Variants in NUP210 observed in about 807,000 individuals in gnomAD.
NUP210 encodes the protein nucleoporin 210.
Under a neutral mutation model 196.0 loss-of-function variants are expected in NUP210, and 151 were observed. The ratio of observed to expected loss-of-function variants is 0.77; its 90% CI spans 0.67 to 0.88. The LOEUF (loss-of-function observed/expected upper bound fraction) is 0.88. Among genes scored for constraint, NUP210 ranks in the 40% least tolerant of loss-of-function variants. The pLI is 0.00. For synonymous variants in NUP210, 1,070 were observed against 1,052.7 expected, an observed-to-expected ratio of 1.02 and a Z score of -0.32; for missense variants, 2,314 against 2,493.7, an observed-to-expected ratio of 0.93 and a Z score of 1.53.
At position 13,371,829 on chromosome 3, in the gene NUP210, T is replaced by A. The variant is rs571612917; in HGVS notation, c.1786+5A>T. 7 of 1,603,438 alleles carry A rather than the reference T, an allele frequency of 4.4e-6. No homozygotes were observed. In the South Asian group the frequency reaches 7.9e-5, roughly 18 times the overall value. On this transcript the variant is annotated splice_donor_5th_base_variant and intron_variant, in intron 13 of 39. Coordinates refer to ENST00000254508, the MANE Select transcript of NUP210 (RefSeq NM_024923.4). ...TCTGGCACCTGCTCAGCAGCGCTGG[T>A]TTACCTGGGAGTGGCTGGAACACAC...
At chr3:13,368,861 T>C (rs1323627755) in intron 13 of NUP210, among the ~76,000 whole-genome samples, 1 of 152,248 alleles carries the variant, frequency 6.6e-6, no homozygotes, top group Admixed American at 6.5e-5. Context: ...TTCCACCTTT[T>C]GGCTATTGTG....
At chr3:13,342,374 G>A (rs1047734345) in intron 21 of NUP210, among the ~76,000 whole-genome samples, 2 of 152,210 alleles carry the variant, frequency 1.3e-5, no homozygotes, top group Non-Finnish European at 2.9e-5. Flanking sequence ...TAATTAGGGA[G>A]ATGAGACACC....
At position 13,347,489 on chromosome 3, in the gene NUP210, T is replaced by C. The variant is rs187562784; in HGVS notation, c.2836-4186A>G. 2.7e-4 allele frequency: 61 copies of C among 224,930 alleles called. No individual in the cohort carries two copies. The highest frequency in any genetic ancestry group is 2.3e-3 in the Middle Eastern group (1 of 434). 13.9% of individuals were successfully genotyped at this position (224,930 alleles called of 1,614,324 possible). On this transcript the variant is annotated intron_variant, in intron 20 of 39. Coordinates refer to ENST00000254508, the MANE Select transcript of NUP210 (RefSeq NM_024923.4). This position sits in a 1 kb window ranked among gnomAD's most constrained non-coding sequence, Gnocchi z 4.7. ...AGGCCCTTACAGAGCGTTCTGGGGC[T>C]GTGTGAGCAAAATTCATCACGGCCC...
chr3:13,370,432 C>A (rs1241723672), intron 13 of NUP210, among the ~76,000 whole-genome samples: 1 of 152,214 alleles, frequency 6.6e-6, no homozygotes, highest in Non-Finnish European at 1.5e-5. Flanking sequence ...AGCACACCAG[C>A]ATCATACAGC....
rs1699746357 is a variant in NUP210, at chr3:13,398,786, T to G, written c.304+939A>C. 3.9e-5 allele frequency among the ~76,000 whole-genome samples: 6 copies of G among 152,280 alleles called. No individual in the cohort carries two copies. In the South Asian group the frequency reaches 1.2e-3, roughly 32 times the overall value. ...AAAAATTTTACAAATTAGCTGGGCA[T>G]GGTGGCATGCACCTGTGGTGGTCCC... On this transcript the variant is annotated intron_variant, in intron 2 of 39. Coordinates refer to ENST00000254508, the MANE Select transcript of NUP210 (RefSeq NM_024923.4).
intron 6 of NUP210, among the ~76,000 whole-genome samples, chr3:13,384,060 T>A (rs1298336288): frequency 1.3e-5 from 2 of 152,200 alleles, no homozygotes; most frequent in Non-Finnish European, 2.9e-5. Context: ...CCTCCTGGGT[T>A]CAAGTGATTC....
intron 27 of NUP210, 126 bp downstream of exon 27, chr3:13,336,661 C>A (rs1437149867): frequency 6.0e-6 from 6 of 1,005,584 alleles, no homozygotes; most frequent in Non-Finnish European, 7.1e-6. Context: ...AGAAAGTGGG[C>A]GGGCCTCTCT....
In NUP210 at chr3:13,379,729, C is replaced by A. The variant is rs963787618; in HGVS notation, c.818-8G>T. On this transcript the variant is annotated splice_region_variant and splice_polypyrimidine_tract_variant and intron_variant, in intron 6 of 39. Coordinates refer to ENST00000254508, the MANE Select transcript of NUP210 (RefSeq NM_024923.4). The surrounding 1 kb of genome is among the most constrained non-coding windows in gnomAD (Gnocchi z 4.2). The stretch of plus-strand genomic sequence containing the variant: ...CGGAAGGCATGGAGAGTTCTGGCCA[C>A]CAAGAAACAAAAAATAACAGGGAAA... The A allele has an allele frequency of 6.4e-7, 1 of 1,551,992 alleles. No homozygotes were observed.
intron 25 of NUP210, among the ~76,000 whole-genome samples, chr3:13,339,573 T>C (rs1006545359): frequency 1.3e-5 from 2 of 152,232 alleles, no homozygotes; most frequent in African/African-American, 2.4e-5. Context: ...CATCCTCCAC[T>C]GGAAGGGCCC....
chr3:13,388,526 A>C, intron 4 of NUP210, 73 bp from the exon 5 acceptor site: 2 of 1,471,422 alleles, frequency 1.4e-6, no homozygotes. Context: ...CTACCACAGC[A>C]TTCCCTATCA....
At position 13,323,906 on chromosome 3, in the gene NUP210, T is replaced by A. The variant is rs1696639472; in HGVS notation, c.4645-474A>T. On this transcript the variant is annotated intron_variant, in intron 33 of 39. Coordinates refer to ENST00000254508, the MANE Select transcript of NUP210 (RefSeq NM_024923.4). This position sits in a 1 kb window ranked among gnomAD's most constrained non-coding sequence, Gnocchi z 4.3. ...CTCCCTTGGCTAGGACACCCTCCCATCTTCTCTGCAGAGCCCAGCCTCATC... is the reference window on the plus strand; with the variant it reads ...CTCCCTTGGCTAGGACACCCTCCCAACTTCTCTGCAGAGCCCAGCCTCATC... Among the ~76,000 whole-genome samples the A allele has an allele frequency of 6.6e-6, 1 of 151,968 alleles. No individual in the cohort carries two copies. The highest frequency in any genetic ancestry group is 2.1e-4 in the South Asian group (1 of 4,816).
In NUP210 at chr3:13,360,443, C is replaced by T. The variant is rs764194387; in HGVS notation, c.1981G>A (p.Glu661Lys). Residue 661 changes from glutamate (E) to lysine (K), a missense_variant, in exon 15 of 40, where the codon GAG (glutamate) becomes AAG (lysine). By Grantham distance (56) the Glu-to-Lys change is moderately conservative (BLOSUM62 1). Coordinates refer to ENST00000254508, the MANE Select transcript of NUP210 (RefSeq NM_024923.4). ...VALVTLGSSK[E>K]MLFEGGPRPW... The stretch of plus-strand genomic sequence containing the variant: ...CTGGGACCTCCTTCAAACAGCATCT[C>T]CTTTGAGGAGCCCAGGGTTACCAAG... 1 of 1,613,610 alleles carries T rather than the reference C, an allele frequency of 6.2e-7. No homozygotes were observed. Among genetic ancestry groups the T allele is most frequent in the Admixed American group, 1.7e-5 (1 of 59,944 alleles).
rs781716218 is a variant in NUP210 at position 13,353,941 on chromosome 3, T to A, written c.2495A>T (p.Asp832Val). ...GTGCAGCTTCTTTTGGCCACTCTCA[T>A]CGTCCTGGGACACCAGCTGCATGGG... The part of the protein sequence containing the change: ...ELPMQLVSQD[D>V]ESGQKKLHGL... Residue 832 changes from aspartate (D) to valine (V), a missense_variant, in exon 17 of 40, where the codon GAT becomes GTT. Transcript: ENST00000254508. 1 of 1,609,976 alleles carries A rather than the reference T, an allele frequency of 6.2e-7. No homozygotes were observed. Among genetic ancestry groups the A allele is most frequent in the Non-Finnish European group, 8.5e-7 (1 of 1,178,158 alleles).
rs373679013 is a variant in NUP210, at chr3:13,394,931, C to A, written c.436+2426G>T. On this transcript the variant is annotated intron_variant, in intron 3 of 39. Transcript: ENST00000254508. ...AGGTACTCATCAAAGTATTTCGGGG[C>A]GAGGAGGACCAAGTAGAAAGCATGA... Among the ~76,000 whole-genome samples the A allele has an allele frequency of 1.1e-4, 17 of 152,228 alleles. 1 individual carries two copies. The South Asian group carries it at 2.3e-3, about 20-fold the overall frequency.
rs1381103372 is a variant in NUP210 at position 13,418,970 on chromosome 3, A to G, written c.167+1090T>C. On this transcript the variant is annotated intron_variant, in intron 1 of 39. Transcript: ENST00000254508. ...TCTCAAAAAAAAAAAAAAAAAAAAA[A>G]AAAGAAAGAAAGAAATAGGGCAAAT... Among the ~76,000 whole-genome samples the G allele has an allele frequency of 9.9e-4, 131 of 131,664 alleles. No individual in the cohort carries two copies. In the East Asian group the frequency reaches 0.014, roughly 14 times the overall value. The allele number at this position is 131,664 out of a possible 152,430, so 86.4% of individuals were successfully genotyped here.
Position 13,316,253 on chromosome 3 carries a change from C to G in NUP210, c.*1428G>C, listed in dbSNP as rs1410018676. 1 of 152,248 alleles carries G rather than the reference C, an allele frequency of 6.6e-6. No individual in the cohort carries two copies. The highest frequency in any genetic ancestry group is 1.5e-5 in the Non-Finnish European group (1 of 68,042). 9.4% of individuals were successfully genotyped at this position (152,248 alleles called of 1,614,324 possible). A position where few individuals can be genotyped will look rare whatever the true frequency, so the allele number is the denominator to read the frequency against. ...CACCCTCTTAAAAAATCACATAGAACTTTATTAAATAAACCAGTAGAAAGG... is the reference window on the plus strand; with the variant it reads ...CACCCTCTTAAAAAATCACATAGAAGTTTATTAAATAAACCAGTAGAAAGG... On this transcript the variant is annotated 3_prime_UTR_variant, in exon 40 of 40. Transcript: ENST00000254508.
intron 31 of NUP210, 128 bp from the exon 32 acceptor site, chr3:13,327,565 C>T (rs1576346004): frequency 2.8e-6 from 2 of 714,168 alleles, no homozygotes; most frequent in East Asian, 2.7e-5. Flanking sequence ...AGGTGTGGCC[C>T]CAACTCGAGG....
At chr3:13,388,723 C>G (rs1053442432) in intron 4 of NUP210, among the ~76,000 whole-genome samples, 3 of 152,228 alleles carry the variant, frequency 2.0e-5, no homozygotes, top group African/African-American at 7.2e-5. Flanking sequence ...TTTATCCACA[C>G]GCACACGTGA....
Position 13,353,987 on chromosome 3 carries a change from C to T in NUP210, c.2449G>A (p.Ala817Thr). The T allele has an allele frequency of 6.2e-7, 1 of 1,609,678 alleles. No individual in the cohort carries two copies. The highest frequency in any genetic ancestry group is 8.5e-7 in the Non-Finnish European group (1 of 1,178,012). ...IQWESTRPVL[A>T]SIEPELPMQL... is the part of the protein sequence containing the mutation. ...ATGGGCAGCTCAGGCTCGATGCTGG[C>T]CAACACTGGCCTGGTGGACTCCCAC... is the stretch of plus-strand genomic sequence containing the variant. Residue 817 changes from alanine to threonine, a missense_variant, in exon 17 of 40, where the codon GCC becomes ACC. Coordinates refer to ENST00000254508, the MANE Select transcript of NUP210 (RefSeq NM_024923.4).
Sources: allele counts gnomAD v4.1 joint callset (sites outside exome capture counted in the v4.1 genomes callset), GRCh38; gene constraint gnomAD v4.1.1; non-coding constraint Gnocchi (gnomAD v3.1); transcripts MANE v1.5; gene names NCBI Gene and HGNC (gene_info 2026-07-23, HGNC 2026-07-21).